SLC39A10: variants seen among roughly 807,000 people sequenced by gnomAD.
SLC39A10 encodes the protein zinc transporter ZIP10.
A neutral mutation model predicts 65.1 loss-of-function variants in SLC39A10; 13 were observed. The observed-to-expected ratio is 0.20, with a 90% CI of 0.13 to 0.32. SLC39A10 has a LOEUF of 0.32. Among genes scored for constraint, SLC39A10 ranks in the 10% least tolerant of loss-of-function variants. The probability of loss-of-function intolerance (pLI) is 1.00; values close to 1 mark genes in which losing one functional copy is unlikely to be tolerated. For missense variants in SLC39A10, 831 were observed against 1,018.4 expected (o/e 0.82, Z 2.50); for synonymous variants, 321 against 342.2 (o/e 0.94, Z 0.68).
chr2:195,621,827 C>T (rs1336199205), intron 2 of SLC39A10, among the ~76,000 whole-genome samples: 1 of 152,056 alleles, frequency 6.6e-6, no homozygotes, highest in African/African-American at 2.4e-5. Flanking sequence ...ATACAGTGAT[C>T]AACATACCAC....
At chr2:195,622,371 A>AAAAT (rs1688367657) in intron 2 of SLC39A10, among the ~76,000 whole-genome samples, 1 of 152,188 alleles carries the variant, frequency 6.6e-6, no homozygotes, top group Admixed American at 6.5e-5. Context: ...TGTCTCTAAA[A>AAAAT]AAATAAATAA....
At position 195,621,267 on chromosome 2, in the gene SLC39A10, T is replaced by C. The variant is rs139570587; in HGVS notation, c.-12+15034T>C. ...GAATATACATTATTTAGGTTGTTTA[T>C]GTAGTACATATAGATATACTATGTT... On this transcript the variant is annotated intron_variant, in intron 2 of 2. Coordinates refer to the SLC39A10 transcript ENST00000458054. Among the ~76,000 whole-genome samples, 929 of 152,312 alleles carry C rather than the reference T, an allele frequency of 6.1e-3. 5 individuals are homozygous for C. Among genetic ancestry groups the C allele is most frequent in the African/African-American group, 0.012 (495 of 41,576 alleles).
intron 1 of SLC39A10, among the ~76,000 whole-genome samples, chr2:195,661,152 T>C (rs1689380296): frequency 6.6e-6 from 1 of 152,186 alleles, no homozygotes; most frequent in East Asian, 1.9e-4. Flanking sequence ...AAATCTACTT[T>C]ACAGAAAGGA....
At chr2:195,672,549 G>A (rs1022103334) in intron 1 of SLC39A10, among the ~76,000 whole-genome samples, 6 of 152,132 alleles carry the variant, frequency 3.9e-5, no homozygotes, top group Admixed American at 2.0e-4. Flanking sequence ...ACCTCATAAC[G>A]TTGCTTGTAT....
intron 1 of SLC39A10, chr2:195,670,560 A>T (rs1032890437): frequency 6.6e-6 from 1 of 152,210 alleles, no homozygotes; most frequent in Non-Finnish European, 1.5e-5. Context: ...TCTTTTTATT[A>T]CAAAAATGCC....
chr2:195,707,272 T>C (rs1480052964), intron 4 of SLC39A10, among the ~76,000 whole-genome samples: 1 of 152,172 alleles, frequency 6.6e-6, no homozygotes, highest in Non-Finnish European at 1.5e-5. Context: ...CTTCTAATTA[T>C]ATGATCACAA....
At position 195,680,945 on chromosome 2, in the gene SLC39A10, T is replaced by G; in HGVS notation, c.903T>G (p.Asn301Lys). ...GRGHQDLDPDNEGELRHTRKR... is the reference protein window; with the variant it reads ...GRGHQDLDPDKEGELRHTRKR... ...GACACCAAGATCTTGATCCTGATAATGAAGGTGAACTTCGACATACTAGAA... is the reference window on the plus strand; with the variant it reads ...GACACCAAGATCTTGATCCTGATAAGGAAGGTGAACTTCGACATACTAGAA... Residue 301 changes from asparagine to lysine, a missense_variant, in exon 2 of 10, where the codon AAT becomes AAG. Around this residue, in one of 4 missense-constraint regions of SLC39A10, gnomAD observed 446 missense variants for 499.2 expected, o/e 0.89. Coordinates refer to ENST00000359634, the MANE Select transcript of SLC39A10 (RefSeq NM_020342.3). 2 of 1,614,092 alleles carry G rather than the reference T, an allele frequency of 1.2e-6. No homozygotes were observed. The highest frequency in any genetic ancestry group is 1.1e-5 in the South Asian group (1 of 91,074).
At chr2:195,648,053 C>CA (rs1242440390) in intron 2 of SLC39A10, among the ~76,000 whole-genome samples, 1 of 152,188 alleles carries the variant, frequency 6.6e-6, no homozygotes, top group African/African-American at 2.4e-5. Flanking sequence ...AATGCAGTGA[C>CA]AAAATCATGG....
intron 3 of SLC39A10, among the ~76,000 whole-genome samples, chr2:195,701,905 C>T (rs767321349): frequency 2.6e-5 from 4 of 152,022 alleles, no homozygotes; most frequent in African/African-American, 7.2e-5. Context: ...TGGTCTCAAA[C>T]GCCTGGGCTC....
chr2:195,689,429 AAAG>A (rs909766823), intron 3 of SLC39A10, among the ~76,000 whole-genome samples: 14 of 152,122 alleles, frequency 9.2e-5, no homozygotes, highest in Admixed American at 7.9e-4. Flanking sequence ...CTCAAAAAAA[AAAG>A]AGGACTTTGG....
intron 2 of SLC39A10, among the ~76,000 whole-genome samples, chr2:195,633,656 C>A (rs775221564): frequency 2.0e-5 from 3 of 152,090 alleles, no homozygotes; most frequent in Admixed American, 1.3e-4. Flanking sequence ...TGCCTCTCAG[C>A]GGGAAGAGGA....
Position 195,737,577 on chromosome 2 carries a change from TAAA to T in SLC39A10, c.*2539_*2541del, listed in dbSNP as rs1055623335. The T allele has an allele frequency of 7.4e-5, 13 of 174,556 alleles. No individual in the cohort carries two copies. The highest frequency in any genetic ancestry group is 2.2e-4 in the African/African-American group (9 of 40,594). The allele number at this position is 174,556 out of a possible 1,614,324, so 10.8% of individuals were successfully genotyped here. A position where few individuals can be genotyped will look rare whatever the true frequency, so the allele number is the denominator to read the frequency against. On this transcript the variant is annotated 3_prime_UTR_variant, in exon 10 of 10. Coordinates refer to ENST00000359634, the MANE Select transcript of SLC39A10 (RefSeq NM_020342.3). Reference sequence around the variant, plus strand: ...GTTTTAACTGAATCATTTTTTAACTTAAAAAGCTGGAAAATATCAAATGCTGTT... The same window carrying T: ...GTTTTAACTGAATCATTTTTTAACTTAAGCTGGAAAATATCAAATGCTGTT...
At chr2:195,660,774 TAAC>T (rs1468164291) in intron 1 of SLC39A10, among the ~76,000 whole-genome samples, 2 of 152,194 alleles carry the variant, frequency 1.3e-5, no homozygotes, top group Admixed American at 6.5e-5. Flanking sequence ...GCTGTGTAAA[TAAC>T]AACAATTTTA....
chr2:195,707,219 C>G (rs1308081909), intron 4 of SLC39A10, among the ~76,000 whole-genome samples: 2 of 152,122 alleles, frequency 1.3e-5, no homozygotes, highest in African/African-American at 4.8e-5. Context: ...GGGCATTTAT[C>G]TTTTCACCTG....
At chr2:195,684,216 C>A (rs561695978) in intron 3 of SLC39A10, among the ~76,000 whole-genome samples, 5 of 152,004 alleles carry the variant, frequency 3.3e-5, no homozygotes, top group African/African-American at 1.2e-4. Context: ...AATAATGGGA[C>A]CCCCTAAATA....
chr2:195,630,144 GTTTTTTTTTT>G (rs1350242402), intron 2 of SLC39A10, among the ~76,000 whole-genome samples: 1 of 123,030 alleles, frequency 8.1e-6, no homozygotes, highest in African/African-American at 3.1e-5. Context: ...TATGGTTTGG[GTTTTTTTTTT>G]TTTTTTTTTA....
chr2:195,619,092 CAAAAAAAAAAAAA>C (rs66627464), intron 2 of SLC39A10, among the ~76,000 whole-genome samples: 2 of 69,656 alleles, frequency 2.9e-5, no homozygotes, highest in African/African-American at 6.0e-5. Context: ...GACTCTGTCT[CAAAAAAAAAAAAA>C]AAAAAAAAAA....
At chr2:195,631,800 A>C (rs970094287) in intron 2 of SLC39A10, among the ~76,000 whole-genome samples, 11 of 152,216 alleles carry the variant, frequency 7.2e-5, no homozygotes, top group Admixed American at 7.2e-4. Context: ...CACAATTGCT[A>C]TAGCTGCTTC....
chr2:195,697,543 C>G (rs1471224139), intron 3 of SLC39A10, among the ~76,000 whole-genome samples: 1 of 152,018 alleles, frequency 6.6e-6, no homozygotes, highest in Non-Finnish European at 1.5e-5. Flanking sequence ...GGTATTAAGC[C>G]TAGTGCCCAT....
Sources: gnomAD v4.1 joint callset for allele counts (sites outside exome capture counted in the v4.1 genomes callset) on GRCh38, gnomAD v4.1.1 for gene constraint, gnomAD v4.1.1 regional missense constraint, MANE v1.5 for transcripts, NCBI Gene and HGNC (gene_info 2026-07-23, HGNC 2026-07-21) for gene names.